SAR1B: variants seen among roughly 807,000 people sequenced by gnomAD.
SAR1B encodes the protein secretion associated Ras related GTPase 1B.
In SAR1B, 23 loss-of-function variants were observed where a neutral mutation model predicts 26.8. That is an observed-to-expected ratio of 0.86 (90% confidence interval 0.62 to 1.22). The LOEUF (loss-of-function observed/expected upper bound fraction) is 1.22, where lower values mean the gene tolerates loss of function less well. Among genes scored for constraint, SAR1B ranks in the 50% most tolerant of loss-of-function variants. The probability of loss-of-function intolerance (pLI) is 0.00; values close to 1 mark genes in which losing one functional copy is unlikely to be tolerated. For missense variants in SAR1B, 196 were observed against 232.8 expected (o/e 0.84, Z 1.03); for synonymous variants, 65 against 80.8 (o/e 0.80, Z 1.05).
At chr5:134,607,322 G>GACTT in intron 6 of SAR1B, among the ~76,000 whole-genome samples, 1 of 152,058 alleles carries the variant, frequency 6.6e-6, no homozygotes, top group East Asian at 1.9e-4. Flanking sequence ...AAAATAATCT[G>GACTT]ACTTAGAAAA....
At chr5:134,628,766 G>C (rs796459785) in intron 1 of SAR1B, among the ~76,000 whole-genome samples, 4 of 151,914 alleles carry the variant, frequency 2.6e-5, no homozygotes, top group African/African-American at 9.7e-5. Flanking sequence ...GCAATTCTCT[G>C]CCTCAGCCTC....
At position 134,607,073 on chromosome 5, in the gene SAR1B, T is replaced by C; in HGVS notation, c.481-7A>G. The C allele has an allele frequency of 6.5e-7, 1 of 1,532,318 alleles. No homozygotes were observed. Among genetic ancestry groups the C allele is most frequent in the Non-Finnish European group, 9.0e-7 (1 of 1,105,308 alleles). 94.9% of individuals were successfully genotyped at this position (1,532,318 alleles called of 1,614,324 possible). ...CTTTCAGAGATATACTCCCCTAGAA[T>C]AGAAGAGAGACATTTCGTTGGAATT... On this transcript the variant is annotated splice_region_variant and splice_polypyrimidine_tract_variant and intron_variant, in intron 6 of 6. Transcript: ENST00000402673.
In SAR1B at chr5:134,627,805, T is replaced by TAAATAAATAAATAA. The variant is rs1475802241; in HGVS notation, c.-18-3782_-18-3769dup. 1.2e-3 allele frequency among the ~76,000 whole-genome samples: 25 copies of TAAATAAATAAATAA among 21,644 alleles called. 1 individual carries two copies. In the East Asian group the frequency reaches 0.015, roughly 13 times the overall value. The allele number at this position is 21,644 out of a possible 152,430, so 14.2% of individuals were successfully genotyped here. A position where few individuals can be genotyped will look rare whatever the true frequency, so the allele number is the denominator to read the frequency against. Reference sequence around the variant, plus strand: ...CAGAGCGAGACTCCATCCCAAAAAATAAATAAATAAATAAATAAATAAATA... The same window carrying TAAATAAATAAATAA: ...CAGAGCGAGACTCCATCCCAAAAAATAAATAAATAAATAAAAATAAATAAATAAATAAATAAATA... On this transcript the variant is annotated intron_variant, in intron 1 of 6. Transcript: ENST00000402673.
chr5:134,623,504 T>TA lies in SAR1B; in HGVS notation c.58+457dup, dbSNP rs62986962. Among the ~76,000 whole-genome samples the TA allele has an allele frequency of 5.4e-3, 745 of 137,822 alleles. 25 individuals carry two copies. Among genetic ancestry groups the TA allele is most frequent in the Admixed American group, 6.2e-3 (83 of 13,326 alleles). The allele number at this position is 137,822 out of a possible 152,430, so 90.4% of individuals were successfully genotyped here. A position where few individuals can be genotyped will look rare whatever the true frequency, so the allele number is the denominator to read the frequency against. On this transcript the variant is annotated intron_variant, in intron 2 of 6. Transcript: ENST00000402673. ...TAGCAAGACTCCGTCTCTATAAAAT[T>TA]AAAAAAAAAAAAAAAAAGAACTGCT...
chr5:134,617,498 T>G (rs1464212637), intron 3 of SAR1B, among the ~76,000 whole-genome samples: 5 of 152,174 alleles, frequency 3.3e-5, no homozygotes, highest in Non-Finnish European at 7.3e-5. Context: ...GCAGGAAAGG[T>G]TGAGATAGCA....
At chr5:134,616,590 T>C (rs955636303) in intron 3 of SAR1B, among the ~76,000 whole-genome samples, 4 of 152,188 alleles carry the variant, frequency 2.6e-5, no homozygotes, top group Non-Finnish European at 1.5e-5. Context: ...CCCAATATAC[T>C]TTCTGCTTTA....
At position 134,607,633 on chromosome 5, in the gene SAR1B, G is replaced by A. The variant is rs552809969; in HGVS notation, c.481-567C>T. 5.3e-5 allele frequency among the ~76,000 whole-genome samples: 8 copies of A among 152,128 alleles called. No homozygotes were observed. The South Asian group carries it at 6.2e-4, about 12-fold the overall frequency. On this transcript the variant is annotated intron_variant, in intron 6 of 6. Transcript: ENST00000402673. Reference sequence around the variant, plus strand: ...ACCAAAAATACAAAATTAGCTGGGCGTGCTGGCACACGCCTGTAATCCCAG... The same window carrying A: ...ACCAAAAATACAAAATTAGCTGGGCATGCTGGCACACGCCTGTAATCCCAG...
At chr5:134,631,995 A>C (rs1765613367) in intron 1 of SAR1B, 1 of 152,232 alleles carries the variant, frequency 6.6e-6, no homozygotes, top group South Asian at 2.1e-4. Context: ...GTCAGGAGAT[A>C]AGAGACCATC....
At chr5:134,611,066 G>A (rs1048210731) in intron 4 of SAR1B, among the ~76,000 whole-genome samples, 1 of 151,852 alleles carries the variant, frequency 6.6e-6, no homozygotes, top group African/African-American at 2.4e-5. Context: ...GTCTTGCTAT[G>A]TTGCAAGGCT....
chr5:134,623,782 A>G (rs1220257612), intron 2 of SAR1B, among the ~76,000 whole-genome samples, 180 bp downstream of exon 2: 2 of 152,198 alleles, frequency 1.3e-5, no homozygotes, highest in African/African-American at 4.8e-5. Context: ...AATTTGCCAA[A>G]GATTACTTAA....
intron 4 of SAR1B, among the ~76,000 whole-genome samples, chr5:134,610,990 A>C (rs911009021): frequency 9.3e-5 from 14 of 151,304 alleles, no homozygotes; most frequent in Non-Finnish European, 1.9e-4. Flanking sequence ...CAGCCTCCTG[A>C]GTAGGTAGGA....
chr5:134,623,752 C>G (rs1310762003), intron 2 of SAR1B, among the ~76,000 whole-genome samples: 2 of 152,048 alleles, frequency 1.3e-5, no homozygotes, highest in African/African-American at 4.8e-5. Context: ...TAAGAAAACT[C>G]AGGCTAAGGT....
chr5:134,603,449 C>A lies in SAR1B; in HGVS notation c.*3501G>T, dbSNP rs1276923588. On this transcript the variant is annotated 3_prime_UTR_variant, in exon 7 of 7. Coordinates refer to ENST00000402673, the MANE Select transcript of SAR1B (RefSeq NM_016103.4). ...AGAAACACTATTATCACAGTTATCA[C>A]CCTATTTTAATGATTTACAAGTAGT... The A allele has an allele frequency of 6.6e-6, 1 of 152,236 alleles. No homozygotes were observed. The highest frequency in any genetic ancestry group is 1.5e-5 in the Non-Finnish European group (1 of 68,048). 9.4% of individuals were successfully genotyped at this position (152,236 alleles called of 1,614,324 possible).
chr5:134,628,097 C>T (rs966182902), intron 1 of SAR1B, among the ~76,000 whole-genome samples: 1 of 151,382 alleles, frequency 6.6e-6, no homozygotes, highest in Non-Finnish European at 1.5e-5. Flanking sequence ...CGAGATCGTG[C>T]CACTGCACTG....
intron 3 of SAR1B, among the ~76,000 whole-genome samples, chr5:134,615,437 C>T (rs535931988): frequency 6.6e-6 from 1 of 151,660 alleles, no homozygotes; most frequent in African/African-American, 2.4e-5. Flanking sequence ...ATCACTTGAA[C>T]CCAGGAGGCG....
In SAR1B at chr5:134,612,617, C is replaced by G. The variant is rs531670307; in HGVS notation, c.244+74G>C. ...CTGAGATTGCACCACTGCACTCCAG[C>G]CTGGGAGACAGAGTGAGCCTGTCTA... On this transcript the variant is annotated intron_variant, in intron 4 of 6. Coordinates refer to ENST00000402673, the MANE Select transcript of SAR1B (RefSeq NM_016103.4). The G allele has an allele frequency of 9.6e-5, 127 of 1,328,858 alleles. 1 individual carries two copies. The African/African-American group carries it at 1.9e-3, about 20-fold the overall frequency. 82.3% of individuals were successfully genotyped at this position (1,328,858 alleles called of 1,614,324 possible).
intron 1 of SAR1B, among the ~76,000 whole-genome samples, chr5:134,629,437 C>G (rs1253146732): frequency 6.8e-6 from 1 of 146,720 alleles, no homozygotes; most frequent in Non-Finnish European, 1.5e-5. Flanking sequence ...GGTGGCTCAC[C>G]CCTGTAATCC....
chr5:134,620,925 A>G lies in SAR1B; in HGVS notation c.178+8T>C. ...CAAGTATCACATTGTATGTAGGAATATACTTACTGGGATGTAATGTTGGGA... is the reference window on the plus strand; with the variant it reads ...CAAGTATCACATTGTATGTAGGAATGTACTTACTGGGATGTAATGTTGGGA... On this transcript the variant is annotated splice_region_variant and intron_variant, in intron 3 of 6. Transcript: ENST00000402673. 1 of 1,613,684 alleles carries G rather than the reference A, an allele frequency of 6.2e-7. No homozygotes were observed.
chr5:134,619,072 G>A (rs947441731), intron 3 of SAR1B, among the ~76,000 whole-genome samples: 1 of 151,860 alleles, frequency 6.6e-6, no homozygotes, highest in Non-Finnish European at 1.5e-5. Flanking sequence ...GCTCATGCCT[G>A]TAATCCCAGC....
Sources: allele counts gnomAD v4.1 joint callset (sites outside exome capture counted in the v4.1 genomes callset), GRCh38; gene constraint gnomAD v4.1.1; transcripts MANE v1.5; gene names NCBI Gene and HGNC (gene_info 2026-07-23, HGNC 2026-07-21).